RBBP8: variants seen among roughly 807,000 people sequenced by gnomAD.
RBBP8 encodes the protein RB binding protein 8, endonuclease.
A neutral mutation model predicts 108.3 loss-of-function variants in RBBP8; 88 were observed. The observed-to-expected ratio is 0.81, with a 90% confidence interval of 0.68 to 0.97. The LOEUF is 0.97. Among genes scored for constraint, RBBP8 ranks in the 50% least tolerant of loss-of-function variants. The pLI, the probability that RBBP8 is intolerant of heterozygous loss-of-function variation, is 0.00. For missense variants in RBBP8, 1,023 were observed against 1,049.0 expected (o/e 0.98, Z 0.34); for synonymous variants, 332 against 348.2 (o/e 0.95, Z 0.52).
intron 6 of RBBP8, among the ~76,000 whole-genome samples, chr18:22,976,395 T>A (rs1398867536): frequency 6.6e-6 from 1 of 152,118 alleles, no homozygotes; most frequent in Non-Finnish European, 1.5e-5. Flanking sequence ...AGGACACAGA[T>A]CCACAATCTG....
At chr18:22,930,915 GCACGAACCACTGTGTC>G (rs1909999487), upstream of RBBP8, among the ~76,000 whole-genome samples, 5 of 152,140 alleles carry the variant, frequency 3.3e-5, no homozygotes, top group South Asian at 1.0e-3. Flanking sequence ...AGAACTAGAG[GCACGAACCACTGTGTC>G]CAGCTATTTT....
rs118022034 is a variant in RBBP8 at position 23,012,971 on chromosome 18, A to G, written c.2358-3857A>G. On this transcript the variant is annotated intron_variant, in intron 16 of 18. Transcript: ENST00000327155. ...CTAGGACCCTGAAGAATTATGCTCAATCTGCTGTGCCTGTGCTTTAGAAAT... is the reference window on the plus strand; with the variant it reads ...CTAGGACCCTGAAGAATTATGCTCAGTCTGCTGTGCCTGTGCTTTAGAAAT... Among the ~76,000 whole-genome samples, 1,422 of 152,282 alleles carry G rather than the reference A, an allele frequency of 9.3e-3. 10 individuals are homozygous for G. Among genetic ancestry groups the G allele is most frequent in the Non-Finnish European group, 0.015 (1,010 of 68,020 alleles).
chr18:22,930,730 T>C (rs1909991719), upstream of RBBP8, among the ~76,000 whole-genome samples: 1 of 152,218 alleles, frequency 6.6e-6, no homozygotes, highest in Non-Finnish European at 1.5e-5. Context: ...GACACTGGGC[T>C]AGTTCCTGGA....
upstream of RBBP8, among the ~76,000 whole-genome samples, chr18:22,930,375 G>A (rs1314869387): frequency 1.3e-5 from 2 of 152,088 alleles, no homozygotes; most frequent in African/African-American, 4.8e-5. Context: ...TAACACAAGT[G>A]TTCATTTTCT....
At chr18:22,989,364 C>A in intron 9 of RBBP8, 46 bp downstream of exon 9, 1 of 1,335,704 alleles carries the variant, frequency 7.5e-7, no homozygotes, top group South Asian at 1.2e-5. Flanking sequence ...AATTTTATGT[C>A]TTTTTAGGTC....
chr18:22,951,712 C>G (rs956236675), intron 4 of RBBP8, among the ~76,000 whole-genome samples: 1 of 152,182 alleles, frequency 6.6e-6, no homozygotes, highest in African/African-American at 2.4e-5. Flanking sequence ...GGTTGTTTAC[C>G]CATGCTTTGG....
At chr18:22,991,871 T>C (rs1197095063) in intron 10 of RBBP8, among the ~76,000 whole-genome samples, 1 of 152,342 alleles carries the variant, frequency 6.6e-6, no homozygotes, top group African/African-American at 2.4e-5. Flanking sequence ...TATCTATCTA[T>C]CTATATATGT....
chr18:22,917,810 C>A (rs1909419145), intron 3 of RBBP8, among the ~76,000 whole-genome samples: 1 of 151,952 alleles, frequency 6.6e-6, no homozygotes, highest in South Asian at 2.1e-4. Context: ...ACAAGCCTGG[C>A]CAATATGATG....
intron 5 of RBBP8, among the ~76,000 whole-genome samples, chr18:22,969,898 G>T (rs971197892): frequency 4.6e-5 from 7 of 152,038 alleles, no homozygotes; most frequent in Non-Finnish European, 2.9e-5. Flanking sequence ...ATTTATTTAG[G>T]AATGTAAGAA....
intron 9 of RBBP8, among the ~76,000 whole-genome samples, chr18:22,989,695 T>C (rs572690240): frequency 6.6e-6 from 1 of 152,208 alleles, no homozygotes; most frequent in African/African-American, 2.4e-5. Context: ...AGGATCTCAT[T>C]GTGTTGCCCA....
intron 4 of RBBP8, among the ~76,000 whole-genome samples, chr18:22,964,759 T>C (rs1482457986): frequency 6.6e-6 from 1 of 152,094 alleles, no homozygotes; most frequent in Non-Finnish European, 1.5e-5. Flanking sequence ...CCCCCAAAAA[T>C]GCTGGGATTA....
At chr18:23,006,551 G>C in intron 16 of RBBP8, 119 bp downstream of exon 16, 2 of 870,734 alleles carry the variant, frequency 2.3e-6, no homozygotes, top group South Asian at 2.9e-5. Flanking sequence ...ACCCAGGCTA[G>C]AGTGCAATGG....
At chr18:22,920,447 C>G (rs1909546227) in intron 3 of RBBP8, among the ~76,000 whole-genome samples, 1 of 152,124 alleles carries the variant, frequency 6.6e-6, no homozygotes, top group African/African-American at 2.4e-5. Context: ...AAACTATTAT[C>G]TTAGAAATTA....
intron 3 of RBBP8, among the ~76,000 whole-genome samples, chr18:22,917,330 C>T (rs914199021): frequency 3.9e-5 from 6 of 152,282 alleles, no homozygotes; most frequent in Admixed American, 2.6e-4. Flanking sequence ...AGCTTTTGAG[C>T]CAAATTGACA....
At chr18:22,949,554 C>A (rs187363940) in intron 3 of RBBP8, 64 bp from the exon 4 acceptor site, 2 of 1,160,138 alleles carry the variant, frequency 1.7e-6, no homozygotes, top group East Asian at 2.3e-5. Flanking sequence ...CACGGTGGAG[C>A]TCTTAGAATT....
At chr18:22,947,908 C>T (rs1448442531) in intron 3 of RBBP8, among the ~76,000 whole-genome samples, 2 of 152,004 alleles carry the variant, frequency 1.3e-5, no homozygotes, top group Non-Finnish European at 2.9e-5. Context: ...AATAGTTTAG[C>T]TTTAAGACAA....
intron 4 of RBBP8, among the ~76,000 whole-genome samples, chr18:22,953,566 C>T (rs1222894389): frequency 6.6e-6 from 1 of 152,132 alleles, no homozygotes; most frequent in East Asian, 1.9e-4. Context: ...CTTCAAAACA[C>T]TCTTCATTTT....
intron 7 of RBBP8, among the ~76,000 whole-genome samples, chr18:22,983,942 G>C (rs1380131946): frequency 6.6e-6 from 1 of 152,122 alleles, no homozygotes. Context: ...TTAGCTGGGC[G>C]TGGTGGCACA....
intron 10 of RBBP8, among the ~76,000 whole-genome samples, chr18:22,991,331 C>A (rs780789379): frequency 1.3e-5 from 2 of 152,134 alleles, no homozygotes; most frequent in Non-Finnish European, 2.9e-5. Context: ...GCCAGTCATC[C>A]CTTCGGGGTT....
Sources: gnomAD v4.1 joint callset for allele counts (sites outside exome capture counted in the v4.1 genomes callset) on GRCh38, gnomAD v4.1.1 for gene constraint, MANE v1.5 for transcripts, NCBI Gene and HGNC (gene_info 2026-07-23, HGNC 2026-07-21) for gene names.